GMDS: variants seen among roughly 807,000 people sequenced by gnomAD.
The protein encoded by GMDS is GDP-mannose 4,6-dehydratase.
A neutral mutation model predicts 49.9 loss-of-function variants in GMDS; 20 were observed. That is an observed-to-expected ratio of 0.40 (90% confidence interval 0.28 to 0.58). The LOEUF is 0.58. Among genes scored for constraint, GMDS ranks in the 20% least tolerant of loss-of-function variants. The pLI, the probability that GMDS is intolerant of heterozygous loss-of-function variation, is 0.42. For missense variants in GMDS, 362 were observed against 481.4 expected, an observed-to-expected ratio of 0.75 and a Z score of 2.32; for synonymous variants, 177 against 178.6, an observed-to-expected ratio of 0.99 and a Z score of 0.07.
rs1233328008 is a variant in GMDS at position 1,959,926 on chromosome 6, TCACGGAAGTTCACCA to T, written c.569_583del (p.Val190_Arg194del). ...GTTCACTGCAAAGAGATTATACGCC[TCACGGAAGTTCACCA>T]CAATCCAATAGGCATAGAGTTTTGC... is the stretch of plus-strand genomic sequence containing the variant. On this transcript the variant is annotated inframe_deletion, in exon 6 of 11. Coordinates refer to ENST00000380815, the MANE Select transcript of GMDS (RefSeq NM_001500.4). 6.2e-7 allele frequency: 1 copy of T among 1,610,922 alleles called. No homozygotes were observed. The highest frequency in any genetic ancestry group is 1.7e-5 in the Admixed American group (1 of 58,942).
At chr6:2,206,483 C>A (rs1779813113) in intron 1 of GMDS, among the ~76,000 whole-genome samples, 1 of 152,256 alleles carries the variant, frequency 6.6e-6, no homozygotes, top group Middle Eastern at 3.4e-3. Context: ...TTGATGTATT[C>A]ATTTGTCCAT....
intron 4 of GMDS, among the ~76,000 whole-genome samples, chr6:2,006,965 A>G (rs1003437510): frequency 2.0e-5 from 3 of 152,268 alleles, no homozygotes; most frequent in Non-Finnish European, 2.9e-5. Flanking sequence ...CCCATCTGTC[A>G]TATAATTTCT....
intron 4 of GMDS, among the ~76,000 whole-genome samples, chr6:2,031,218 CT>C (rs983799518): frequency 8.8e-4 from 134 of 152,326 alleles, no homozygotes; most frequent in African/African-American, 3.2e-3. Context: ...CTAGAGAGCT[CT>C]TTTCCCTTTC....
chr6:1,852,701 G>A (rs1409847473), intron 7 of GMDS, among the ~76,000 whole-genome samples: 2 of 150,086 alleles, frequency 1.3e-5, no homozygotes, highest in Non-Finnish European at 2.9e-5. Flanking sequence ...ACGGTGGGAC[G>A]TGGGATCCGA....
chr6:2,114,650 T>C (rs1039556311), intron 4 of GMDS, among the ~76,000 whole-genome samples: 3 of 152,206 alleles, frequency 2.0e-5, no homozygotes, highest in African/African-American at 7.2e-5. Context: ...CACAGGCAGA[T>C]ATGAGGTATC....
intron 4 of GMDS, among the ~76,000 whole-genome samples, chr6:2,096,415 A>G (rs940314918): frequency 6.6e-6 from 1 of 152,202 alleles, no homozygotes; most frequent in Non-Finnish European, 1.5e-5. Context: ...AGAAAACAAC[A>G]TATTTACAAA....
chr6:1,889,180 C>A (rs1414111983), intron 7 of GMDS, among the ~76,000 whole-genome samples: 1 of 152,214 alleles, frequency 6.6e-6, no homozygotes, highest in Non-Finnish European at 1.5e-5. Flanking sequence ...ATTCTCCACA[C>A]ACTCATTAAA....
At chr6:2,066,166 A>G (rs1771575161) in intron 4 of GMDS, among the ~76,000 whole-genome samples, 1 of 151,606 alleles carries the variant, frequency 6.6e-6, no homozygotes, top group African/African-American at 2.4e-5. Context: ...ATCCAGCCAA[A>G]CTAAGCTTCA....
chr6:1,685,355 A>C lies in GMDS; in HGVS notation c.987+41061T>G, dbSNP rs1764939490. ...ACTCCAGCCTGGGTGACAGAGCGAG[A>C]CTCCATCTCAAAAACAAAAAACAAC... is the stretch of plus-strand genomic sequence containing the variant. On this transcript the variant is annotated intron_variant, in intron 9 of 10. Transcript: ENST00000380815. Among the ~76,000 whole-genome samples, 4 of 152,236 alleles carry C rather than the reference A, an allele frequency of 2.6e-5. No individual in the cohort carries two copies. In the South Asian group the frequency reaches 8.3e-4, roughly 32 times the overall value.
chr6:2,052,143 A>AAAAAAAAAAAAAAAAAAAAAAAAC (rs1770453878), intron 4 of GMDS, among the ~76,000 whole-genome samples: 2 of 149,036 alleles, frequency 1.3e-5, no homozygotes, highest in Admixed American at 6.7e-5. Context: ...AAAAAAAAAA[A>AAAAAAAAAAAAAAAAAAAAAAAAC]CAGAAAAGAA....
intron 1 of GMDS, among the ~76,000 whole-genome samples, chr6:2,209,097 A>G (rs549682408): frequency 1.3e-5 from 2 of 152,330 alleles, no homozygotes; most frequent in East Asian, 1.9e-4. Context: ...ATAAAAAAAG[A>G]AATCAAGATT....
chr6:1,768,920 C>T (rs969484495), intron 7 of GMDS, among the ~76,000 whole-genome samples: 13 of 152,070 alleles, frequency 8.5e-5, no homozygotes, highest in African/African-American at 2.9e-4. Context: ...TTTTTGTGTG[C>T]TTATTCATTT....
chr6:1,875,796 G>T (rs536241363), intron 7 of GMDS, among the ~76,000 whole-genome samples: 90 of 151,588 alleles, frequency 5.9e-4, no homozygotes, highest in African/African-American at 2.1e-3. Flanking sequence ...GAGGCTGAGG[G>T]CAGCGCAACA....
At chr6:1,835,943 A>AG (rs1756905076) in intron 7 of GMDS, among the ~76,000 whole-genome samples, 1 of 152,000 alleles carries the variant, frequency 6.6e-6, no homozygotes, top group Non-Finnish European at 1.5e-5. Context: ...GGAGTGCAGT[A>AG]GCGCTATCTG....
intron 2 of GMDS, among the ~76,000 whole-genome samples, chr6:2,123,081 G>C (rs1775228893): frequency 6.6e-6 from 1 of 152,208 alleles, no homozygotes; most frequent in South Asian, 2.1e-4. Flanking sequence ...AAGTCTGCTA[G>C]TTCCTTAACA....
chr6:1,878,898 A>C (rs555494636), intron 7 of GMDS, among the ~76,000 whole-genome samples: 1 of 152,308 alleles, frequency 6.6e-6, no homozygotes, highest in Admixed American at 6.5e-5. Context: ...TTCTAAATAT[A>C]CCTGGGCCCT....
chr6:2,119,403 A>G (rs941122154), intron 2 of GMDS, among the ~76,000 whole-genome samples: 1 of 152,192 alleles, frequency 6.6e-6, no homozygotes. Flanking sequence ...TTTTAAATCA[A>G]GTGTTTTAAT....
chr6:1,630,675 G>T (rs1762972856), intron 9 of GMDS, among the ~76,000 whole-genome samples: 1 of 152,220 alleles, frequency 6.6e-6, no homozygotes. Flanking sequence ...ATGTCATCTT[G>T]CATCATACCT....
chr6:1,983,993 G>A (rs1264900697), intron 4 of GMDS, among the ~76,000 whole-genome samples: 1 of 152,130 alleles, frequency 6.6e-6, no homozygotes, highest in African/African-American at 2.4e-5. Flanking sequence ...ATGATAGACT[G>A]AATTAAAAAA....
Sources: allele counts gnomAD v4.1 joint callset (sites outside exome capture counted in the v4.1 genomes callset), GRCh38; gene constraint gnomAD v4.1.1; transcripts MANE v1.5; gene names NCBI Gene and HGNC (gene_info 2026-07-23, HGNC 2026-07-21).